Variants in PCLO observed in about 807,000 individuals in gnomAD.
PCLO encodes piccolo presynaptic cytomatrix protein, also known as protein piccolo.
PCLO carries 82 observed loss-of-function variants against 427.5 expected under a neutral mutation model. The observed-to-expected ratio is 0.19, with a 90% CI of 0.16 to 0.23. The LOEUF (loss-of-function observed/expected upper bound fraction) is 0.23. Among genes scored for constraint, PCLO ranks in the 10% least tolerant of loss-of-function variants. PCLO has a pLI of 1.00. For missense variants in PCLO, 6,239 were observed against 6,115.9 expected, an observed-to-expected ratio of 1.02 and a Z score of -0.67; for synonymous variants, 2,357 against 2,155.4, an observed-to-expected ratio of 1.09 and a Z score of -2.59.
Position 82,952,757 on chromosome 7 carries a change from T to C in PCLO, c.8196A>G (p.Thr2732=). 1 of 1,613,474 alleles carries C rather than the reference T, an allele frequency of 6.2e-7. No individual in the cohort carries two copies. The highest frequency in any genetic ancestry group is 8.5e-7 in the Non-Finnish European group (1 of 1,179,572). ...TTGTTTTAACTTCTACCTTTGGTAC[T>C]GTACGCAAATCAATTACATCACCAA... The part of the protein sequence containing the change: ...QLVGDVIDLR[T]VPKVEVKTTD... Residue 2732 remains threonine (T), a synonymous_variant, in exon 5 of 25, where the codon ACA becomes ACG. Transcript: ENST00000333891.
chr7:83,076,137 A>C (rs1789945409), intron 3 of PCLO, among the ~76,000 whole-genome samples: 1 of 135,268 alleles, frequency 7.4e-6, no homozygotes, highest in South Asian at 2.4e-4. Context: ...AAAAAAAAAA[A>C]ACTCATACCT....
intron 3 of PCLO, among the ~76,000 whole-genome samples, chr7:82,981,481 AGGCGAT>A (rs1209038012): frequency 6.6e-6 from 1 of 152,138 alleles, no homozygotes; most frequent in Non-Finnish European, 1.5e-5. Flanking sequence ...AGAAAGTGAC[AGGCGAT>A]ATCACCAAAT....
chr7:83,051,925 T>C (rs1562939893), intron 3 of PCLO, among the ~76,000 whole-genome samples: 2 of 152,002 alleles, frequency 1.3e-5, no homozygotes, highest in Non-Finnish European at 2.9e-5. Context: ...GCAACGGCAA[T>C]TCAATGGAGA....
chr7:83,013,183 A>G (rs951442358), intron 3 of PCLO, among the ~76,000 whole-genome samples: 1 of 151,948 alleles, frequency 6.6e-6, no homozygotes, highest in African/African-American at 2.4e-5. Context: ...ATATTCTGTA[A>G]TGATAAAAAA....
intron 21 of PCLO, among the ~76,000 whole-genome samples, chr7:82,802,259 T>C (rs886510631): frequency 2.0e-5 from 1 of 51,248 alleles, no homozygotes; most frequent in Non-Finnish European, 5.3e-5. Context: ...ATTTTGATTA[T>C]GAAAAAAAAC....
rs980195319 is a variant in PCLO, at chr7:82,959,791, T to G, written c.4018-2856A>C. On this transcript the variant is annotated intron_variant, in intron 4 of 24. Coordinates refer to ENST00000333891, the MANE Select transcript of PCLO (RefSeq NM_033026.6). ...ACCTACGGTGGTGATGCTGCAATGA[T>G]TTTTTTTCCCCTAAATAACTTTTGC... is the stretch of plus-strand genomic sequence containing the variant. Among the ~76,000 whole-genome samples, 22 of 132,256 alleles carry G rather than the reference T, an allele frequency of 1.7e-4. 1 individual carries two copies. Among genetic ancestry groups the G allele is most frequent in the Admixed American group, 5.5e-4 (8 of 14,478 alleles). 86.8% of individuals were successfully genotyped at this position (132,256 alleles called of 152,430 possible).
At chr7:82,766,677 G>T (rs1305156306) in intron 22 of PCLO, among the ~76,000 whole-genome samples, 2 of 152,014 alleles carry the variant, frequency 1.3e-5, no homozygotes. Context: ...ACTTTTATAG[G>T]TCATAGTCTT....
At chr7:83,115,851 A>T (rs1253323726) in intron 3 of PCLO, among the ~76,000 whole-genome samples, 1 of 152,026 alleles carries the variant, frequency 6.6e-6, no homozygotes, top group Admixed American at 6.6e-5. Context: ...CAACACTGTC[A>T]TATCATCCCC....
At chr7:83,098,814 T>C (rs1480648330) in intron 3 of PCLO, among the ~76,000 whole-genome samples, 5 of 152,092 alleles carry the variant, frequency 3.3e-5, no homozygotes, top group Non-Finnish European at 4.4e-5. Context: ...TGTTATACTA[T>C]GTCTCTTGAC....
chr7:83,061,095 T>A (rs62458600), intron 3 of PCLO, among the ~76,000 whole-genome samples: 1,645 of 152,248 alleles, frequency 0.011, 14 homozygotes, highest in Middle Eastern at 0.041. Flanking sequence ...ACAACAAAAA[T>A]TTTTCATCCT....
At chr7:82,761,183 A>G (rs1790425674) in intron 23 of PCLO, among the ~76,000 whole-genome samples, 176 bp downstream of exon 23, 1 of 151,898 alleles carries the variant, frequency 6.6e-6, no homozygotes, top group African/African-American at 2.4e-5. Flanking sequence ...TATAATGTAT[A>G]TGTTAAAATA....
intron 3 of PCLO, among the ~76,000 whole-genome samples, chr7:83,113,801 AG>A (rs2116533694): frequency 6.6e-6 from 1 of 152,314 alleles, no homozygotes; most frequent in South Asian, 2.1e-4. Flanking sequence ...AAAAGAAAAA[AG>A]GAGCAGGGTA....
At chr7:82,930,830 G>C (rs1418446985) in intron 6 of PCLO, among the ~76,000 whole-genome samples, 3 of 152,166 alleles carry the variant, frequency 2.0e-5, no homozygotes, top group African/African-American at 7.2e-5. Context: ...ATATGTGATG[G>C]GTCTAGAAAG....
At chr7:83,020,156 C>T (rs550372068) in intron 3 of PCLO, among the ~76,000 whole-genome samples, 16 of 151,918 alleles carry the variant, frequency 1.1e-4, no homozygotes, top group Non-Finnish European at 2.2e-4. Flanking sequence ...CTAAAGTAGA[C>T]CTTTTATTAC....
intron 8 of PCLO, among the ~76,000 whole-genome samples, chr7:82,903,474 T>G (rs904796733): frequency 6.6e-6 from 1 of 152,004 alleles, no homozygotes; most frequent in African/African-American, 2.4e-5. Context: ...TTATTGAGAC[T>G]TGAATATGAG....
intron 9 of PCLO, among the ~76,000 whole-genome samples, chr7:82,902,440 G>A (rs553464813): frequency 3.1e-4 from 47 of 151,956 alleles, no homozygotes; most frequent in African/African-American, 1.1e-3. Context: ...GTGAGGGAAG[G>A]GGGGAGGGAT....
chr7:83,033,204 T>A (rs1421689280), intron 3 of PCLO, among the ~76,000 whole-genome samples: 5 of 152,176 alleles, frequency 3.3e-5, no homozygotes, highest in Non-Finnish European at 7.3e-5. Flanking sequence ...TCTCAGGTTG[T>A]ATCTTTATAG....
Position 82,954,450 on chromosome 7 carries a change from T to C in PCLO, c.6503A>G (p.Glu2168Gly). Residue 2168 changes from glutamate (E) to glycine (G), a missense_variant, in exon 5 of 25, where the codon GAG (glutamate) becomes GGG (glycine). Transcript: ENST00000333891. The stretch of plus-strand genomic sequence containing the variant: ...GACAGATGTAGCACTTTCTGAAGGC[T>C]CCGAGTAGGTCAAAATCAGCGATTC... ...AHESLILTYSEPSESATSVPP... is the reference protein window; with the variant it reads ...AHESLILTYSGPSESATSVPP... The C allele has an allele frequency of 6.2e-7, 1 of 1,613,948 alleles. No individual in the cohort carries two copies. The highest frequency in any genetic ancestry group is 8.5e-7 in the Non-Finnish European group (1 of 1,179,850).
chr7:83,114,313 G>C (rs36106435), intron 3 of PCLO, among the ~76,000 whole-genome samples: 14,584 of 152,090 alleles, frequency 0.096, 734 homozygotes, highest in South Asian at 0.15. Flanking sequence ...TGGAGTATTA[G>C]GGAACATGAT....
Sources: allele counts gnomAD v4.1 joint callset (sites outside exome capture counted in the v4.1 genomes callset), GRCh38; gene constraint gnomAD v4.1.1; transcripts MANE v1.5; gene names NCBI Gene and HGNC (gene_info 2026-07-23, HGNC 2026-07-21).